SNTG1: variants seen among roughly 807,000 people sequenced by gnomAD.
SNTG1 encodes the protein syntrophin gamma 1, also known as gamma-1-syntrophin.
A neutral mutation model predicts 74.7 loss-of-function variants in SNTG1; 39 were observed. The observed-to-expected ratio is 0.52, with a 90% CI of 0.40 to 0.68. The LOEUF (loss-of-function observed/expected upper bound fraction) is 0.68. Ranked by LOEUF, SNTG1 falls within the 30% of genes least tolerant of loss-of-function variation. The pLI, the probability that SNTG1 is intolerant of heterozygous loss-of-function variation, is 0.00. For synonymous variants in SNTG1, 254 were observed against 217.1 expected, an observed-to-expected ratio of 1.17 and a Z score of -1.49; for missense variants, 685 against 609.5, an observed-to-expected ratio of 1.12 and a Z score of -1.30.
chr8:50,531,881 GCAGAGGAGT>G (rs2094271345), intron 10 of SNTG1, among the ~76,000 whole-genome samples: 2 of 152,286 alleles, frequency 1.3e-5, no homozygotes, highest in South Asian at 2.1e-4. Context: ...AATAAGCAGA[GCAGAGGAGT>G]CAGAGTGGCA....
chr8:49,987,062 A>G (rs1813231282), intron 1 of SNTG1, among the ~76,000 whole-genome samples: 2 of 152,232 alleles, frequency 1.3e-5, no homozygotes, highest in South Asian at 4.1e-4. Context: ...TTGGAAAAGT[A>G]TGACAAATTA....
chr8:50,253,218 G>A (rs953745728), intron 2 of SNTG1, among the ~76,000 whole-genome samples: 11 of 152,112 alleles, frequency 7.2e-5, no homozygotes, highest in Non-Finnish European at 1.6e-4. Flanking sequence ...GAGGCCAGGA[G>A]TTCAAGACCA....
intron 1 of SNTG1, among the ~76,000 whole-genome samples, chr8:49,961,288 A>G: frequency 6.6e-6 from 1 of 152,200 alleles, no homozygotes; most frequent in East Asian, 1.9e-4. Flanking sequence ...TTTTATTTAA[A>G]CATGTTGATA....
chr8:49,941,938 C>T (rs1204755991), intron 1 of SNTG1, among the ~76,000 whole-genome samples: 3 of 152,106 alleles, frequency 2.0e-5, no homozygotes, highest in African/African-American at 4.8e-5. Context: ...GTAAAAATTT[C>T]GAGAAGTGTT....
At chr8:50,382,894 G>A (rs539773220) in intron 2 of SNTG1, among the ~76,000 whole-genome samples, 54 of 152,270 alleles carry the variant, frequency 3.5e-4, no homozygotes, top group Admixed American at 2.9e-3. Flanking sequence ...AAACTCTTGG[G>A]CAGGAGTTGG....
intron 1 of SNTG1, among the ~76,000 whole-genome samples, chr8:50,038,015 G>T (rs1458096531): frequency 6.6e-6 from 1 of 152,032 alleles, no homozygotes; most frequent in Non-Finnish European, 1.5e-5. Flanking sequence ...TAAATCATCA[G>T]AAACTCCTTC....
At chr8:50,780,198 C>A (rs1310284483) in intron 18 of SNTG1, among the ~76,000 whole-genome samples, 1 of 152,176 alleles carries the variant, frequency 6.6e-6, no homozygotes, top group African/African-American at 2.4e-5. Flanking sequence ...GCTTTGGTAT[C>A]AGGATGATGC....
chr8:50,074,789 A>G (rs947825377), intron 1 of SNTG1, among the ~76,000 whole-genome samples: 2 of 152,140 alleles, frequency 1.3e-5, no homozygotes, highest in African/African-American at 4.8e-5. Context: ...CCACTGCTGC[A>G]CTGTGGGAGC....
intron 1 of SNTG1, among the ~76,000 whole-genome samples, chr8:50,038,218 G>T (rs1036198608): frequency 2.6e-5 from 4 of 152,224 alleles, no homozygotes; most frequent in Admixed American, 6.5e-5. Context: ...CCCTCTGGCT[G>T]ATCTATGTAC....
chr8:49,932,393 A>G (rs1485062372), intron 1 of SNTG1, among the ~76,000 whole-genome samples: 1 of 152,128 alleles, frequency 6.6e-6, no homozygotes, highest in African/African-American at 2.4e-5. Context: ...AAGAACCCAC[A>G]AAGTGAACAC....
intron 1 of SNTG1, among the ~76,000 whole-genome samples, chr8:50,158,015 A>G (rs994316842): frequency 1.3e-5 from 2 of 152,062 alleles, no homozygotes; most frequent in Non-Finnish European, 2.9e-5. Flanking sequence ...GTCCTGGCAA[A>G]TTGTAAATAC....
chr8:50,786,289 C>T (rs1349954358), intron 18 of SNTG1, among the ~76,000 whole-genome samples: 4 of 151,730 alleles, frequency 2.6e-5, no homozygotes, highest in Non-Finnish European at 5.9e-5. Context: ...TCAAAAAATT[C>T]TAAGGAATAC....
chr8:50,402,187 TTG>T lies in SNTG1; in HGVS notation c.28-21_28-20del, dbSNP rs778888260. ...AAACTAAGTATAATTTTTCCTCTGT[TTG>T]TTTTTTTTTTTAATCTGAAGACAAA... On this transcript the variant is annotated intron_variant, in intron 3 of 18. Transcript: ENST00000642720. 33 of 1,579,120 alleles carry T rather than the reference TTG, an allele frequency of 2.1e-5. No individual in the cohort carries two copies. In the African/African-American group the frequency reaches 4.0e-4, roughly 19 times the overall value.
chr8:49,973,003 C>G (rs1811845144), intron 1 of SNTG1, among the ~76,000 whole-genome samples: 1 of 152,106 alleles, frequency 6.6e-6, no homozygotes, highest in South Asian at 2.1e-4. Context: ...ACCCAGCCAT[C>G]CCATTACTGG....
chr8:50,741,143 G>A (rs2095542323), intron 17 of SNTG1, among the ~76,000 whole-genome samples: 1 of 151,606 alleles, frequency 6.6e-6, no homozygotes, highest in Admixed American at 6.6e-5. Context: ...TTTTTTTTCT[G>A]AGGCAGAGTC....
At chr8:49,981,951 A>C (rs1376800952) in intron 1 of SNTG1, among the ~76,000 whole-genome samples, 4 of 152,260 alleles carry the variant, frequency 2.6e-5, no homozygotes, top group Admixed American at 2.6e-4. Flanking sequence ...TGTGGGTGTG[A>C]ATATTATTAA....
intron 8 of SNTG1, among the ~76,000 whole-genome samples, chr8:50,500,061 G>T (rs184844585): frequency 4.6e-5 from 7 of 151,614 alleles, no homozygotes; most frequent in Admixed American, 4.6e-4. Flanking sequence ...TTCTTTTGAG[G>T]TTTGTTAAGC....
intron 17 of SNTG1, among the ~76,000 whole-genome samples, chr8:50,724,916 G>GA (rs890436988): frequency 3.9e-5 from 6 of 151,942 alleles, no homozygotes; most frequent in African/African-American, 9.7e-5. Context: ...AAATGGGATG[G>GA]AAAAAACAGT....
At chr8:50,693,244 G>T (rs2095390100) in intron 15 of SNTG1, among the ~76,000 whole-genome samples, 1 of 152,126 alleles carries the variant, frequency 6.6e-6, no homozygotes, top group African/African-American at 2.4e-5. Flanking sequence ...TGTGCACAGT[G>T]CAGGGCACCC....
Sources: gnomAD v4.1 joint callset for allele counts (sites outside exome capture counted in the v4.1 genomes callset) on GRCh38, gnomAD v4.1.1 for gene constraint, MANE v1.5 for transcripts, NCBI Gene and HGNC (gene_info 2026-07-23, HGNC 2026-07-21) for gene names.